CRHR1: variants seen among roughly 807,000 people sequenced by gnomAD.
CRHR1 encodes the protein corticotropin releasing hormone receptor 1, also known as corticotropin-releasing hormone receptor 1.
A neutral mutation model predicts 56.0 loss-of-function variants in CRHR1; 28 were observed. The observed-to-expected ratio is 0.50, with a 90% CI of 0.37 to 0.69. The LOEUF (loss-of-function observed/expected upper bound fraction) is 0.69. Ranked by LOEUF, CRHR1 falls within the 30% of genes least tolerant of loss-of-function variation. The pLI, the probability that CRHR1 is intolerant of heterozygous loss-of-function variation, is 0.00. For synonymous variants in CRHR1, 195 were observed against 216.5 expected (o/e 0.90, Z 0.87); for missense variants, 376 against 548.0 (o/e 0.69, Z 3.13).
intron 3 of CRHR1, among the ~76,000 whole-genome samples, chr17:45,818,826 A>G (rs1418662846): frequency 1.3e-5 from 2 of 152,138 alleles, no homozygotes; most frequent in Non-Finnish European, 2.9e-5. Context: ...GCTGCATCTG[A>G]TCTTCAAAGG....
intron 1 of CRHR1, among the ~76,000 whole-genome samples, chr17:45,793,951 G>A (rs2061472012): frequency 6.6e-6 from 1 of 152,190 alleles, no homozygotes; most frequent in Non-Finnish European, 1.5e-5. Context: ...GAGACCTGCT[G>A]TTTTCATGGG....
chr17:45,827,383 T>C (rs1336147154), intron 4 of CRHR1, among the ~76,000 whole-genome samples: 1 of 152,240 alleles, frequency 6.6e-6, no homozygotes, highest in Non-Finnish European at 1.5e-5. Context: ...TCCACACATG[T>C]TGTCATTACC....
At chr17:45,794,195 A>G (rs901717877) in intron 1 of CRHR1, among the ~76,000 whole-genome samples, 2 of 152,264 alleles carry the variant, frequency 1.3e-5, no homozygotes, top group African/African-American at 4.8e-5. Context: ...CAAGTCTGAC[A>G]GCATCTGAAT....
chr17:45,795,945 G>T (rs2061509026), intron 1 of CRHR1, among the ~76,000 whole-genome samples: 1 of 152,130 alleles, frequency 6.6e-6, no homozygotes, highest in South Asian at 2.1e-4. Context: ...GCCTTAGAAG[G>T]CAGTCGTTTT....
At chr17:45,787,320 A>G (rs1482839219) in intron 1 of CRHR1, among the ~76,000 whole-genome samples, 1 of 152,164 alleles carries the variant, frequency 6.6e-6, no homozygotes. Flanking sequence ...AGTCAGCCAC[A>G]CACCCACTGC....
rs2062233525 is a variant in CRHR1, at chr17:45,829,123, C to G, written c.328-92C>G. The G allele has an allele frequency of 3.1e-6, 3 of 963,432 alleles. No individual in the cohort carries two copies. In the African/African-American group the frequency reaches 4.8e-5, roughly 16 times the overall value. 59.7% of individuals were successfully genotyped at this position (963,432 alleles called of 1,614,324 possible). A position where few individuals can be genotyped will look rare whatever the true frequency, so the allele number is the denominator to read the frequency against. On this transcript the variant is annotated intron_variant, in intron 4 of 12. Coordinates refer to ENST00000314537, the MANE Select transcript of CRHR1 (RefSeq NM_004382.5). ...GGGGGAGTGGCCCTTGAGATCATGACCCGCTCCATCCCAGCCACCCCTAGG... is the reference window on the plus strand; with the variant it reads ...GGGGGAGTGGCCCTTGAGATCATGAGCCGCTCCATCCCAGCCACCCCTAGG...
At chr17:45,813,889 C>A (rs1378667506) in intron 2 of CRHR1, among the ~76,000 whole-genome samples, 1 of 152,234 alleles carries the variant, frequency 6.6e-6, no homozygotes, top group African/African-American at 2.4e-5. Context: ...GTCTCCACGT[C>A]CCTGGCCAGC....
At chr17:45,794,156 G>A (rs2061476154) in intron 1 of CRHR1, among the ~76,000 whole-genome samples, 1 of 152,258 alleles carries the variant, frequency 6.6e-6, no homozygotes, top group Non-Finnish European at 1.5e-5. Context: ...TGGTCCTGCT[G>A]TGTAGCCTGC....
chr17:45,814,201 A>G (rs987394941), intron 2 of CRHR1, among the ~76,000 whole-genome samples: 10 of 152,228 alleles, frequency 6.6e-5, no homozygotes, highest in Admixed American at 2.0e-4. Context: ...CTAGCTCCCT[A>G]GATACTGTGG....
chr17:45,824,162 T>C (rs62057143), intron 4 of CRHR1, among the ~76,000 whole-genome samples: 21,834 of 151,754 alleles, frequency 0.14, 2,143 homozygotes, highest in Middle Eastern at 0.22. Context: ...GCTGGTGGGG[T>C]GGGAGTGGGC....
Position 45,784,417 on chromosome 17 carries a change from C to G in CRHR1, c.-128C>G. On this transcript the variant is annotated 5_prime_UTR_variant, in exon 1 of 13. Coordinates refer to ENST00000314537, the MANE Select transcript of CRHR1 (RefSeq NM_004382.5). The surrounding 1 kb of genome is among the most constrained non-coding windows in gnomAD (Gnocchi z 4.2). The stretch of plus-strand genomic sequence containing the variant: ...CGGGAAGCGCCGAGCCGGGCATCTC[C>G]TCACCAGGCAGCGACCGAGGAGCCC... 4.9e-6 allele frequency: 4 copies of G among 814,410 alleles called. No homozygotes were observed. The highest frequency in any genetic ancestry group is 7.0e-6 in the Non-Finnish European group (4 of 573,836). The allele number at this position is 814,410 out of a possible 1,614,324, so 50.4% of individuals were successfully genotyped here.
At chr17:45,786,138 T>TG (rs1017996256) in intron 1 of CRHR1, among the ~76,000 whole-genome samples, 33 of 151,616 alleles carry the variant, frequency 2.2e-4, no homozygotes, top group Non-Finnish European at 4.4e-5. Flanking sequence ...TTTTTTTTTT[T>TG]TTCAGGTTTA....
intron 2 of CRHR1, among the ~76,000 whole-genome samples, chr17:45,815,961 G>A (rs1236144628): frequency 6.6e-6 from 1 of 152,232 alleles, no homozygotes; most frequent in Non-Finnish European, 1.5e-5. Flanking sequence ...CGGAAGGAGG[G>A]CCAACTTCAT....
chr17:45,803,784 G>GCGCA (rs1258303596), intron 1 of CRHR1, among the ~76,000 whole-genome samples: 9 of 152,104 alleles, frequency 5.9e-5, no homozygotes, highest in African/African-American at 1.2e-4. Context: ...GTGCGTGCGC[G>GCGCA]TGCGCGTGTG....
intron 1 of CRHR1, among the ~76,000 whole-genome samples, chr17:45,787,359 T>A (rs1254017047): frequency 2.0e-5 from 3 of 152,196 alleles, no homozygotes; most frequent in Non-Finnish European, 4.4e-5. Flanking sequence ...GGAGTGTGGC[T>A]GTAAACATGG....
intron 12 of CRHR1, 32 bp downstream of exon 12, chr17:45,834,080 A>G: frequency 2.5e-6 from 4 of 1,609,472 alleles, no homozygotes; most frequent in Non-Finnish European, 3.4e-6. Context: ...AGCGGGGTTC[A>G]GGGCTGTGAG....
intron 1 of CRHR1, among the ~76,000 whole-genome samples, chr17:45,790,656 C>T (rs1598394571): frequency 1.3e-5 from 2 of 152,126 alleles, no homozygotes; most frequent in Admixed American, 6.5e-5. Flanking sequence ...TGTGCATCTG[C>T]CCCCCTCCGC....
At chr17:45,803,391 T>C (rs1417482762) in intron 1 of CRHR1, among the ~76,000 whole-genome samples, 3 of 152,116 alleles carry the variant, frequency 2.0e-5, no homozygotes, top group African/African-American at 7.2e-5. Flanking sequence ...TTATTTTATT[T>C]ATTTATTTAT....
rs375598478 is a variant in CRHR1, at chr17:45,833,506, G to T, written c.898G>T (p.Ala300Ser). 6.2e-7 allele frequency: 1 copy of T among 1,613,964 alleles called. No individual in the cohort carries two copies. Among genetic ancestry groups the T allele is most frequent in the Non-Finnish European group, 8.5e-7 (1 of 1,179,980 alleles). ...CCGCATCCTCATGACCAAGCTCCGG[G>T]CATCCACCACGTCTGAGACCATTCA... ...IVRILMTKLR[A>S]STTSETIQYR... The change falls in exon 10 of 13, where the codon GCA becomes TCA. Residue 300 changes from alanine (A) to serine (S), a missense_variant. Physicochemically the swap from Ala to Ser is moderately conservative, Grantham distance 99. Transcript: ENST00000314537.
Sources: gnomAD v4.1 joint callset for allele counts (sites outside exome capture counted in the v4.1 genomes callset) on GRCh38, gnomAD v4.1.1 for gene constraint, Gnocchi (gnomAD v3.1) non-coding constraint, MANE v1.5 for transcripts, NCBI Gene and HGNC (gene_info 2026-07-23, HGNC 2026-07-21) for gene names.